The following ABCG8 variants were observed in gnomAD, a reference collection of about 807,000 sequenced individuals.
ABCG8 encodes ATP-binding cassette sub-family G member 8.
In ABCG8, 81 loss-of-function variants were observed where a neutral mutation model predicts 71.3. The ratio of observed to expected loss-of-function variants is 1.14; its 90% CI spans 0.95 to 1.37. ABCG8 has a LOEUF of 1.37. Ranked by LOEUF, ABCG8 falls within the 40% of genes most tolerant of loss-of-function variation. The pLI is 0.00. For missense variants in ABCG8, 1,119 were observed against 866.2 expected (o/e 1.29, Z -3.66); for synonymous variants, 451 against 354.7 (o/e 1.27, Z -3.05).
At chr2:43,874,819 C>T (rs1669904560) in intron 10 of ABCG8, among the ~76,000 whole-genome samples, 1 of 152,182 alleles carries the variant, frequency 6.6e-6, no homozygotes. Context: ...AGCAGAGGTT[C>T]AGAGAGGCTA....
rs1373851405 is a variant in ABCG8 at position 43,875,185 on chromosome 2, A to G, written c.1528A>G (p.Ile510Val). Residue 510 changes from isoleucine (I) to valine (V), a missense_variant, in exon 11 of 13, where the codon ATC (isoleucine) becomes GTC (valine). By Grantham distance (29) the Ile-to-Val change is conservative. Coordinates refer to ENST00000272286, the MANE Select transcript of ABCG8 (RefSeq NM_022437.3). ...ELPEHCAYII[I>V]YGMPTYWLAN... ...TCCGGAGCACTGTGCCTACATCATC[A>G]TCTACGGGATGCCCACCTACTGGCT... 1.2e-6 allele frequency: 2 copies of G among 1,614,080 alleles called. No individual in the cohort carries two copies. Among genetic ancestry groups the G allele is most frequent in the Non-Finnish European group, 1.7e-6 (2 of 1,180,048 alleles).
chr2:43,877,410 GGAGACTGT>G (rs1669993317), intron 11 of ABCG8, 143 bp from the exon 12 acceptor site: 1 of 1,259,568 alleles, frequency 7.9e-7, no homozygotes, highest in Non-Finnish European at 1.1e-6. Flanking sequence ...TGAATATATG[GGAGACTGT>G]GGGAATATGG....
intron 6 of ABCG8, among the ~76,000 whole-genome samples, chr2:43,862,081 T>G (rs796611181): frequency 0.029 from 4,139 of 144,858 alleles, no homozygotes; most frequent in South Asian, 0.053. Context: ...GAATTCTTAC[T>G]CTCTTGGTAA....
At chr2:43,855,902 C>T (rs1247428947) in intron 6 of ABCG8, among the ~76,000 whole-genome samples, 1 of 152,144 alleles carries the variant, frequency 6.6e-6, no homozygotes, top group East Asian at 1.9e-4. Flanking sequence ...GGATAGAATT[C>T]TCACCATGTG....
intron 6 of ABCG8, among the ~76,000 whole-genome samples, chr2:43,861,216 T>C (rs1486655193): frequency 6.6e-6 from 1 of 151,328 alleles, no homozygotes; most frequent in Non-Finnish European, 1.5e-5. Flanking sequence ...ATAGAATTCT[T>C]ACTCTCTGGA....
rs569257358 is a variant in ABCG8 at position 43,846,678 on chromosome 2, A to G, written c.322+367A>G. On this transcript the variant is annotated intron_variant, in intron 3 of 12. Transcript: ENST00000272286. ...CATTGGTTCAGGTTGTTCCTCCACA[A>G]TCACATTCTGATTATGGCCAGACAG... 2.3e-4 allele frequency: 79 copies of G among 340,636 alleles called. No homozygotes were observed. The Middle Eastern group carries it at 3.2e-3, about 14-fold the overall frequency. 21.1% of individuals were successfully genotyped at this position (340,636 alleles called of 1,614,324 possible).
intron 11 of ABCG8, among the ~76,000 whole-genome samples, chr2:43,876,684 G>A (rs1350612858): frequency 6.7e-6 from 1 of 149,568 alleles, no homozygotes; most frequent in Non-Finnish European, 1.5e-5. Flanking sequence ...GTGTGAATAT[G>A]GGGGAGACCA....
In ABCG8 at chr2:43,844,694, A is replaced by C. The variant is rs4148212; in HGVS notation, c.165+86A>C. 421,247 of 1,032,218 alleles carry C rather than the reference A, an allele frequency of 0.41. 91,590 individuals carry two copies. Among genetic ancestry groups the C allele is most frequent in the East Asian group, 0.85 (33,305 of 39,232 alleles). The allele number at this position is 1,032,218 out of a possible 1,614,324, so 63.9% of individuals were successfully genotyped here. On this transcript the variant is annotated intron_variant, in intron 2 of 12. Transcript: ENST00000272286. ...GGGTGGAAATAAAAGGGTGGGCCCA[A>C]CTTGCAGGCCCTCTGCCCGCAAGGA...
rs1558870046 is a variant in ABCG8 at position 43,880,675 on chromosome 2, C to CAT, written c.*2762_*2763insAT. 3 of 151,918 alleles carry CAT rather than the reference C, an allele frequency of 2.0e-5. No homozygotes were observed. Among genetic ancestry groups the CAT allele is most frequent in the East Asian group, 1.9e-4 (1 of 5,194 alleles). 9.4% of individuals were successfully genotyped at this position (151,918 alleles called of 1,614,324 possible). A position where few individuals can be genotyped will look rare whatever the true frequency, so the allele number is the denominator to read the frequency against. ...GTGTGTGTGTGTGTGCGCGCGCGCG[C>CAT]GCGCATGTGCATACATATACACCTA... On this transcript the variant is annotated 3_prime_UTR_variant, in exon 13 of 13. Transcript: ENST00000272286.
At chr2:43,875,789 G>T (rs1047342266) in intron 11 of ABCG8, among the ~76,000 whole-genome samples, 2 of 152,130 alleles carry the variant, frequency 1.3e-5, no homozygotes, top group African/African-American at 4.8e-5. Flanking sequence ...TGTAACCTGG[G>T]CCCCTCCACA....
At chr2:43,851,957 C>T in intron 4 of ABCG8, 135 bp downstream of exon 4, 2 of 1,034,368 alleles carry the variant, frequency 1.9e-6, no homozygotes, top group Non-Finnish European at 3.0e-6. Flanking sequence ...TTCCGCCAGC[C>T]CTGGGCTGCA....
intron 1 of ABCG8, among the ~76,000 whole-genome samples, chr2:43,840,990 C>T (rs1668566872): frequency 6.6e-6 from 1 of 152,218 alleles, no homozygotes; most frequent in Non-Finnish European, 1.5e-5. Flanking sequence ...CCTGGAGTGG[C>T]AAGTGCCCTT....
At chr2:43,866,171 T>G (rs960879617) in intron 6 of ABCG8, among the ~76,000 whole-genome samples, 1 of 151,908 alleles carries the variant, frequency 6.6e-6, no homozygotes, top group Non-Finnish European at 1.5e-5. Flanking sequence ...GATCCCTTCC[T>G]TACACCTTAT....
At chr2:43,872,711 A>G (rs952456235) in intron 8 of ABCG8, among the ~76,000 whole-genome samples, 27 of 152,334 alleles carry the variant, frequency 1.8e-4, no homozygotes, top group Admixed American at 2.6e-4. Context: ...CCCATCTCAA[A>G]AAAAGGAAAC....
intron 11 of ABCG8, among the ~76,000 whole-genome samples, chr2:43,876,251 A>T (rs1212661188): frequency 6.6e-6 from 1 of 152,152 alleles, no homozygotes; most frequent in East Asian, 1.9e-4. Flanking sequence ...GCCCCAGTCC[A>T]TGTCCCCAGC....
chr2:43,842,961 G>A (rs760617882), intron 1 of ABCG8, among the ~76,000 whole-genome samples: 2 of 152,114 alleles, frequency 1.3e-5, no homozygotes, highest in South Asian at 2.1e-4. Context: ...TGTTCTTTCC[G>A]AGAACTTCTG....
intron 6 of ABCG8, among the ~76,000 whole-genome samples, chr2:43,855,026 G>C (rs11694811): frequency 6.6e-6 from 1 of 152,202 alleles, no homozygotes; most frequent in Non-Finnish European, 1.5e-5. Flanking sequence ...CCGGTCCCTA[G>C]AACCCTCCAG....
At chr2:43,847,534 C>T (rs10182672) in intron 3 of ABCG8, 59,673 of 151,446 alleles carry the variant, frequency 0.39, 13,206 homozygotes, top group East Asian at 0.86. Context: ...GGTGAAACCC[C>T]GTCTCTACTA....
chr2:43,850,991 T>TGCACA (rs1332158463), intron 3 of ABCG8, among the ~76,000 whole-genome samples: 2 of 152,062 alleles, frequency 1.3e-5, no homozygotes, highest in Non-Finnish European at 2.9e-5. Context: ...AGAACATATA[T>TGCACA]GTACACTGTG....
Sources: allele counts gnomAD v4.1 joint callset (sites outside exome capture counted in the v4.1 genomes callset), GRCh38; gene constraint gnomAD v4.1.1; transcripts MANE v1.5; gene names NCBI Gene and HGNC (gene_info 2026-07-23, HGNC 2026-07-21).